The following ANKRD53 variants were observed in gnomAD, a reference collection of about 807,000 sequenced individuals.
The protein encoded by ANKRD53 is ankyrin repeat domain-containing protein 53.
A neutral mutation model predicts 30.1 loss-of-function variants in ANKRD53; 27 were observed. The ratio of observed to expected loss-of-function variants is 0.90; its 90% CI spans 0.66 to 1.24. The LOEUF (loss-of-function observed/expected upper bound fraction) is 1.24, where lower values mean the gene tolerates loss of function less well. Among genes scored for constraint, ANKRD53 ranks in the 50% most tolerant of loss-of-function variants. The pLI, the probability that ANKRD53 is intolerant of heterozygous loss-of-function variation, is 0.00. For synonymous variants in ANKRD53, 286 were observed against 295.4 expected (o/e 0.97, Z 0.33); for missense variants, 682 against 721.0 (o/e 0.95, Z 0.62).
chr2:70,978,636 C>T lies in ANKRD53; in HGVS notation c.-10C>T, dbSNP rs1213546714. On this transcript the variant is annotated 5_prime_UTR_variant, in exon 1 of 6. Coordinates refer to ENST00000360589, the MANE Select transcript of ANKRD53 (RefSeq NM_001115116.2). The surrounding 1 kb of genome is among the most constrained non-coding windows in gnomAD (Gnocchi z 4.3). Reference sequence around the variant, plus strand: ...GCCCGCCCGGCCCGGGTCCGAGTTCCAGCCCCGCGATGGCCTCCGCGGGCA... The same window carrying T: ...GCCCGCCCGGCCCGGGTCCGAGTTCTAGCCCCGCGATGGCCTCCGCGGGCA... 2.6e-6 allele frequency: 4 copies of T among 1,521,336 alleles called. No individual in the cohort carries two copies. The African/African-American group carries it at 4.3e-5, about 16-fold the overall frequency. The allele number at this position is 1,521,336 out of a possible 1,614,324, so 94.2% of individuals were successfully genotyped here. A position where few individuals can be genotyped will look rare whatever the true frequency, so the allele number is the denominator to read the frequency against.
At position 70,985,162 on chromosome 2, in the gene ANKRD53, G is replaced by A. The variant is rs553757539; in HGVS notation, c.1455G>A (p.Lys485=). ...YPISMREVPR[K]RHLGDNTFWT... The stretch of plus-strand genomic sequence containing the variant: ...TCAGCATGAGGGAAGTGCCCAGGAA[G>A]CGGCACCTGGGTGACAACACCTTCT... The change falls in exon 6 of 6, where the codon AAG becomes AAA. Residue 485 remains lysine (K), a synonymous_variant. Transcript: ENST00000360589. 1.3e-6 allele frequency: 2 copies of A among 1,551,264 alleles called. No individual in the cohort carries two copies. Among genetic ancestry groups the A allele is most frequent in the South Asian group, 2.4e-5 (2 of 84,030 alleles).
chr2:70,985,266 T>TCGCCC lies in ANKRD53; in HGVS notation c.1560_1561insGCCCC (p.Pro521AlafsTer26). The TCGCCC allele has an allele frequency of 3.2e-6, 5 of 1,544,224 alleles. No homozygotes were observed. The highest frequency in any genetic ancestry group is 3.5e-6 in the Non-Finnish European group (4 of 1,141,214). Reference sequence around the variant, plus strand: ...GCAGCTGTGCGATCTCATCAAGGACTCCCCACCCTGCCCTCCCCACAAACC... The same window carrying TCGCCC: ...GCAGCTGTGCGATCTCATCAAGGACTCGCCCCCCCACCCTGCCCTCCCCACAAACC... On this transcript the variant is annotated frameshift_variant, in exon 6 of 6. Coordinates refer to ENST00000360589, the MANE Select transcript of ANKRD53 (RefSeq NM_001115116.2). LOFTEE classifies it low-confidence loss of function (END_TRUNC).
rs376894926 is a variant in ANKRD53 at position 70,984,597 on chromosome 2, C to G, written c.904-14C>G. On this transcript the variant is annotated splice_polypyrimidine_tract_variant and intron_variant, in intron 5 of 5. Coordinates refer to ENST00000360589, the MANE Select transcript of ANKRD53 (RefSeq NM_001115116.2). ...CAGTCCTCCATGACTCTCTTGTGCCCTCTGTTGTTGCAGAAAGAGCACAAA... is the reference window on the plus strand; with the variant it reads ...CAGTCCTCCATGACTCTCTTGTGCCGTCTGTTGTTGCAGAAAGAGCACAAA... 6.1e-5 allele frequency: 99 copies of G among 1,612,698 alleles called. No individual in the cohort carries two copies. Among genetic ancestry groups the G allele is most frequent in the Non-Finnish European group, 8.1e-5 (95 of 1,179,250 alleles).
Position 70,979,335 on chromosome 2 carries a change from G to A in ANKRD53, c.409G>A (p.Asp137Asn), listed in dbSNP as rs782342287. The change falls in exon 2 of 6, where the codon GAC (aspartate) becomes AAC (asparagine). Residue 137 changes from aspartate (D) to asparagine (N), a missense_variant. Transcript: ENST00000360589. ...CCAGAGCCTCAGGGAAATCCCCACCGACGACAAGGTAAGGTCTTGAGTGTT... is the reference window on the plus strand; with the variant it reads ...CCAGAGCCTCAGGGAAATCCCCACCAACGACAAGGTAAGGTCTTGAGTGTT... ...LNQSLREIPT[D>N]DKGFTAIHFA... 1 of 1,613,522 alleles carries A rather than the reference G, an allele frequency of 6.2e-7. No individual in the cohort carries two copies. Among genetic ancestry groups the A allele is most frequent in the Non-Finnish European group, 8.5e-7 (1 of 1,180,004 alleles).
Position 70,978,829 on chromosome 2 carries a change from G to T in ANKRD53, c.170+14G>T. On this transcript the variant is annotated intron_variant, in intron 1 of 5. Transcript: ENST00000360589. This position sits in a 1 kb window ranked among gnomAD's most constrained non-coding sequence, Gnocchi z 4.3. The stretch of plus-strand genomic sequence containing the variant: ...CAAGCAGCCCAGGTGGGTAGCGGGA[G>T]AAGGTGTCCCGGCTGCAGGGAGCGA... 1.3e-6 allele frequency: 2 copies of T among 1,554,644 alleles called. No individual in the cohort carries two copies. The highest frequency in any genetic ancestry group is 8.7e-7 in the Non-Finnish European group (1 of 1,150,394).
rs3796098 is a variant in ANKRD53, at chr2:70,984,685, G to C, written c.978G>C (p.Leu326=). 4 of 1,613,700 alleles carry C rather than the reference G, an allele frequency of 2.5e-6. No homozygotes were observed. The highest frequency in any genetic ancestry group is 3.4e-6 in the Non-Finnish European group (4 of 1,179,836). The change falls in exon 6 of 6, where the codon CTG becomes CTC. Residue 326 remains leucine, a synonymous_variant. Transcript: ENST00000360589. ...GCAAGCTGCACCCAGGCCACTCTCT[G>C]GTCTCCAATACCAAGCAAGCCCGGG... ...LHGKLHPGHS[L]VSNTKQARAT... is the part of the protein sequence containing the mutation.
Position 70,984,762 on chromosome 2 carries a change from G to C in ANKRD53, c.1055G>C (p.Ser352Thr). Residue 352 changes from serine (S) to threonine (T), a missense_variant, in exon 6 of 6, where the codon AGC becomes ACC. Ser to Thr is a moderately conservative substitution (Grantham distance 58). Coordinates refer to ENST00000360589, the MANE Select transcript of ANKRD53 (RefSeq NM_001115116.2). ...CAACGGGAATCGCAGCGTTCCAGGA[G>C]CTTCCACCCCTCTGTGGATGCACGC... ...PEQRESQRSRSFHPSVDARLQ... is the reference protein window; with the variant it reads ...PEQRESQRSRTFHPSVDARLQ... The C allele has an allele frequency of 1.3e-6, 2 of 1,578,976 alleles. No homozygotes were observed. The highest frequency in any genetic ancestry group is 1.7e-6 in the Non-Finnish European group (2 of 1,161,656).
chr2:70,978,853 G>A lies in ANKRD53; in HGVS notation c.170+38G>A, dbSNP rs1553422897. On this transcript the variant is annotated intron_variant, in intron 1 of 5. Transcript: ENST00000360589. This position sits in a 1 kb window ranked among gnomAD's most constrained non-coding sequence, Gnocchi z 4.3. ...AGAAGGTGTCCCGGCTGCAGGGAGC[G>A]AGAACCCGGCCCAGCGCCTCCCTGG... The A allele has an allele frequency of 3.3e-6, 5 of 1,535,880 alleles. No individual in the cohort carries two copies. Among genetic ancestry groups the A allele is most frequent in the South Asian group, 2.4e-5 (2 of 82,574 alleles).
chr2:70,979,285 TG>T lies in ANKRD53; in HGVS notation c.361del (p.Glu121AsnfsTer7). 6.2e-7 allele frequency: 1 copy of T among 1,613,644 alleles called. No individual in the cohort carries two copies. The highest frequency in any genetic ancestry group is 8.5e-7 in the Non-Finnish European group (1 of 1,180,030). On this transcript the variant is annotated frameshift_variant, in exon 2 of 6. Coordinates refer to ENST00000360589, the MANE Select transcript of ANKRD53 (RefSeq NM_001115116.2). LOFTEE classifies it high-confidence loss of function. ...CTGTTCGCAGCGGCTGTGGGCAACG[TG>T]GAATGGCTGCGATTCTGTCTGAACC... ...YQLFAAAVGN[V>X]EWLRFCLNQS... is the part of the protein sequence containing the mutation.
chr2:70,982,288 C>A lies in ANKRD53; in HGVS notation c.782+188C>A. 1 of 782,120 alleles carries A rather than the reference C, an allele frequency of 1.3e-6. No homozygotes were observed. Among genetic ancestry groups the A allele is most frequent in the Non-Finnish European group, 2.0e-6 (1 of 508,574 alleles). 48.4% of individuals were successfully genotyped at this position (782,120 alleles called of 1,614,324 possible). On this transcript the variant is annotated intron_variant, in intron 4 of 5. Transcript: ENST00000360589. This position sits in a 1 kb window ranked among gnomAD's most constrained non-coding sequence, Gnocchi z 4.2. The stretch of plus-strand genomic sequence containing the variant: ...TCATCACCTGGGCTTGGGGGTAAGT[C>A]TGCCCAGGTCCCCTGCTCTCTGGGT...
At position 70,984,886 on chromosome 2, in the gene ANKRD53, C is replaced by T. The variant is rs972660782; in HGVS notation, c.1179C>T (p.Ala393=). Residue 393 remains alanine (A), a synonymous_variant, in exon 6 of 6, where the codon GCC becomes GCT. Transcript: ENST00000360589. ...TGTGGAATGTTAGCAACAACCCCGC[C>T]AGACCCCCCACCACCCAGATCAGCC... ...PTMWNVSNNP[A]RPPTTQISHS... The T allele has an allele frequency of 6.4e-6, 10 of 1,550,832 alleles. No individual in the cohort carries two copies. The highest frequency in any genetic ancestry group is 8.7e-6 in the Non-Finnish European group (10 of 1,146,928).
rs1265018441 is a variant in ANKRD53 at position 70,985,363 on chromosome 2, G to T, written c.*63G>T. The T allele has an allele frequency of 4.2e-6, 6 of 1,443,814 alleles. No individual in the cohort carries two copies. In the East Asian group the frequency reaches 1.3e-4, roughly 30 times the overall value. The allele number at this position is 1,443,814 out of a possible 1,614,324, so 89.4% of individuals were successfully genotyped here. A position where few individuals can be genotyped will look rare whatever the true frequency, so the allele number is the denominator to read the frequency against. ...TGAAGGCTGAAGTGTGGCAATTCAC[G>T]TTGTGGGTGGCGAGGAAAGGGGGAG... On this transcript the variant is annotated 3_prime_UTR_variant, in exon 6 of 6. Coordinates refer to ENST00000360589, the MANE Select transcript of ANKRD53 (RefSeq NM_001115116.2).
At position 70,979,898 on chromosome 2, in the gene ANKRD53, C is replaced by A. The variant is rs995115879; in HGVS notation, c.617+38C>A. The stretch of plus-strand genomic sequence containing the variant: ...TGCTTCAGGAGGGAGGCTTCGGGCA[C>A]AGGCACGGGCACAGCCCTACTTCCA... On this transcript the variant is annotated intron_variant, in intron 3 of 5. Coordinates refer to ENST00000360589, the MANE Select transcript of ANKRD53 (RefSeq NM_001115116.2). 6 of 1,611,256 alleles carry A rather than the reference C, an allele frequency of 3.7e-6. No homozygotes were observed. The African/African-American group carries it at 5.3e-5, about 14-fold the overall frequency.
Position 70,982,597 on chromosome 2 carries a change from G to A in ANKRD53, c.803G>A (p.Trp268Ter), listed in dbSNP as rs1420164995. Residue 268 changes from tryptophan (W) to a stop codon, truncating the protein, a stop_gained, in exon 5 of 6, where the codon TGG becomes TAG. Transcript: ENST00000360589. LOFTEE classifies it high-confidence loss of function. The surrounding 1 kb of genome is among the most constrained non-coding windows in gnomAD (Gnocchi z 4.2). The part of the protein sequence containing the change: ...ACARFLKDAM[W>*]KKDKKDFARE... ...ACCAGGTTCTTGAAGGATGCCATGT[G>A]GAAAAAGGACAAGAAGGACTTTGCC... 4 of 1,614,114 alleles carry A rather than the reference G, an allele frequency of 2.5e-6. No individual in the cohort carries two copies.
Position 70,979,177 on chromosome 2 carries a change from C to T in ANKRD53, c.251C>T (p.Thr84Ile), listed in dbSNP as rs1477660440. The change falls in exon 2 of 6, where the codon ACC (threonine) becomes ATC (isoleucine). Residue 84 changes from threonine to isoleucine, a missense_variant. Thr to Ile is a moderately conservative substitution (Grantham distance 89, BLOSUM62 -1). Coordinates refer to ENST00000360589, the MANE Select transcript of ANKRD53 (RefSeq NM_001115116.2). ...LARPRRPASL[T>I]PPRADPSPSK... Reference sequence around the variant, plus strand: ...AGGCCGCGCCGCCCTGCCTCGCTCACCCCGCCCCGCGCTGACCCCAGCCCC... The same window carrying T: ...AGGCCGCGCCGCCCTGCCTCGCTCATCCCGCCCCGCGCTGACCCCAGCCCC... 6.2e-7 allele frequency: 1 copy of T among 1,612,416 alleles called. No individual in the cohort carries two copies. Among genetic ancestry groups the T allele is most frequent in the Non-Finnish European group, 8.5e-7 (1 of 1,179,770 alleles).
rs1056345209 is a variant in ANKRD53, at chr2:70,979,577, G to T, written c.418-84G>T. On this transcript the variant is annotated intron_variant, in intron 2 of 5. Transcript: ENST00000360589. The stretch of plus-strand genomic sequence containing the variant: ...TGGGGACACAGGGAAGAAAGTGAAG[G>T]TAACCCCAATAAATTTATATAAATT... 4.1e-6 allele frequency: 6 copies of T among 1,460,754 alleles called. No homozygotes were observed. In the South Asian group the frequency reaches 7.9e-5, roughly 19 times the overall value. 90.5% of individuals were successfully genotyped at this position (1,460,754 alleles called of 1,614,324 possible).
At chr2:70,978,479 C>T (rs1669890567), upstream of ANKRD53, 1 of 764,350 alleles carries the variant, frequency 1.3e-6, no homozygotes. The surrounding 1 kb of genome is among the most constrained non-coding windows in gnomAD (Gnocchi z 4.3). Flanking sequence ...GCAGGGTCCC[C>T]GGAGGCCCCC....
At chr2:70,979,912 GC>G in intron 3 of ANKRD53, 52 bp downstream of exon 3, 1 of 1,605,226 alleles carries the variant, frequency 6.2e-7, no homozygotes, top group Non-Finnish European at 8.5e-7. Context: ...CACGGGCACA[GC>G]CCTACTTCCA....
In ANKRD53 at chr2:70,984,673, A is replaced by C; in HGVS notation, c.966A>C (p.Pro322=). ...IRKWLHGKLH[P]GHSLVSNTKQ... is the part of the protein sequence containing the mutation. Reference sequence around the variant, plus strand: ...AGTGGCTCCACGGCAAGCTGCACCCAGGCCACTCTCTGGTCTCCAATACCA... The same window carrying C: ...AGTGGCTCCACGGCAAGCTGCACCCCGGCCACTCTCTGGTCTCCAATACCA... Residue 322 remains proline, a synonymous_variant, in exon 6 of 6, where the codon CCA becomes CCC. Transcript: ENST00000360589. 6.2e-7 allele frequency: 1 copy of C among 1,614,192 alleles called. No homozygotes were observed. The highest frequency in any genetic ancestry group is 8.5e-7 in the Non-Finnish European group (1 of 1,180,014).
Sources: gnomAD v4.1 joint callset for allele counts on GRCh38, gnomAD v4.1.1 for gene constraint, Gnocchi (gnomAD v3.1) non-coding constraint, MANE v1.5 for transcripts, NCBI Gene and HGNC (gene_info 2026-07-23, HGNC 2026-07-21) for gene names.